Variants in KIF6 observed in about 807,000 individuals in gnomAD.
KIF6 encodes kinesin family member 6.
A neutral mutation model predicts 112.7 loss-of-function variants in KIF6; 106 were observed. The ratio of observed to expected loss-of-function variants is 0.94; its 90% confidence interval spans 0.80 to 1.11. The LOEUF (loss-of-function observed/expected upper bound fraction) is 1.11, where lower values mean the gene tolerates loss of function less well. Among genes scored for constraint, KIF6 ranks in the 50% least tolerant of loss-of-function variants. The pLI is 0.00. For missense variants in KIF6, 929 were observed against 964.0 expected, an observed-to-expected ratio of 0.96 and a Z score of 0.48; for synonymous variants, 339 against 339.9, an observed-to-expected ratio of 1.00 and a Z score of 0.03.
intron 14 of KIF6, among the ~76,000 whole-genome samples, chr6:39,425,475 C>T (rs145219698): frequency 0.012 from 1,871 of 152,016 alleles, 20 homozygotes; most frequent in Admixed American, 0.027. Context: ...ATTCCTTTCC[C>T]GTTTCATCTC....
intron 5 of KIF6, among the ~76,000 whole-genome samples, chr6:39,629,517 T>C (rs1429074035): frequency 6.6e-6 from 1 of 152,128 alleles, no homozygotes; most frequent in Non-Finnish European, 1.5e-5. Context: ...AATTTGGGCA[T>C]TTATTTTCTT....
chr6:39,360,822 AG>A (rs1765074471), intron 17 of KIF6, among the ~76,000 whole-genome samples: 1 of 152,214 alleles, frequency 6.6e-6, no homozygotes. Context: ...GCACTTACTA[AG>A]GGATAAGCAT....
chr6:39,470,985 T>A (rs145625735), intron 13 of KIF6, among the ~76,000 whole-genome samples: 8 of 152,314 alleles, frequency 5.3e-5, no homozygotes, highest in African/African-American at 1.9e-4. Context: ...CATTGAGCTG[T>A]GATTTGATAT....
rs566182074 is a variant in KIF6, at chr6:39,343,851, TACA to T, written c.2322-39_2322-37del. ...CCACGTGTCACATTTTACTACACTT[TACA>T]ACTGGACTCACCACTTATATTTCCA... On this transcript the variant is annotated intron_variant, in intron 21 of 22. Coordinates refer to ENST00000287152, the MANE Select transcript of KIF6 (RefSeq NM_145027.6). This position sits in a 1 kb window ranked among gnomAD's most constrained non-coding sequence, Gnocchi z 4.1. 2 of 1,264,538 alleles carry T rather than the reference TACA, an allele frequency of 1.6e-6. No individual in the cohort carries two copies. The highest frequency in any genetic ancestry group is 2.7e-5 in the South Asian group (2 of 75,190). 78.3% of individuals were successfully genotyped at this position (1,264,538 alleles called of 1,614,324 possible).
chr6:39,537,679 C>A (rs1778524565), intron 13 of KIF6, among the ~76,000 whole-genome samples: 1 of 152,162 alleles, frequency 6.6e-6, no homozygotes, highest in South Asian at 2.1e-4. Flanking sequence ...CCCCATCAAG[C>A]AACCAATGAC....
At chr6:39,665,503 ATAAT>A (rs910687392) in intron 3 of KIF6, among the ~76,000 whole-genome samples, 1 of 152,206 alleles carries the variant, frequency 6.6e-6, no homozygotes, top group Non-Finnish European at 1.5e-5. Flanking sequence ...AATACATAGC[ATAAT>A]TAATTGGAAA....
chr6:39,476,738 G>C (rs986639431), intron 13 of KIF6, among the ~76,000 whole-genome samples: 5 of 152,202 alleles, frequency 3.3e-5, no homozygotes, highest in Admixed American at 2.0e-4. Context: ...ACCTTTCTGA[G>C]GATGAATAAG....
intron 3 of KIF6, among the ~76,000 whole-genome samples, chr6:39,710,162 AG>A (rs940406516): frequency 3.9e-5 from 6 of 152,344 alleles, no homozygotes; most frequent in African/African-American, 1.4e-4. Flanking sequence ...TCACTGGTGC[AG>A]TACATGTTTC....
At chr6:39,409,898 C>T (rs535711734) in intron 15 of KIF6, among the ~76,000 whole-genome samples, 1 of 152,356 alleles carries the variant, frequency 6.6e-6, no homozygotes, top group South Asian at 2.1e-4. Context: ...AAACCCTCTT[C>T]CCCACCTCTG....
chr6:39,357,437 T>G (rs564028899), intron 18 of KIF6, 63 bp from the exon 19 acceptor site: 2 of 1,062,592 alleles, frequency 1.9e-6, no homozygotes, highest in Non-Finnish European at 2.8e-6. Context: ...GAAGATGTTT[T>G]TGATGTAATT....
intron 13 of KIF6, among the ~76,000 whole-genome samples, chr6:39,476,780 C>T (rs1774450743): frequency 6.6e-6 from 1 of 152,184 alleles, no homozygotes; most frequent in Non-Finnish European, 1.5e-5. Flanking sequence ...ACTTTTCAGT[C>T]TAACATAAAT....
At position 39,596,207 on chromosome 6, in the gene KIF6, C is replaced by A; in HGVS notation, c.693G>T (p.Leu231Phe). 6.2e-7 allele frequency: 1 copy of A among 1,613,904 alleles called. No homozygotes were observed. The highest frequency in any genetic ancestry group is 2.2e-5 in the East Asian group (1 of 44,864). ...TRSHCIFTIHLSSKEPGSATV... is the reference protein window; with the variant it reads ...TRSHCIFTIHFSSKEPGSATV... ...TTGCAGATCCTGGTTCCTTGCTTGA[C>A]AAATGAATGGTGAAAATGCAGTGGG... Residue 231 changes from leucine (L) to phenylalanine (F), a missense_variant, in exon 7 of 23, where the codon TTG becomes TTT. Transcript: ENST00000287152.
At chr6:39,537,262 G>A (rs1778494887) in intron 13 of KIF6, among the ~76,000 whole-genome samples, 1 of 152,172 alleles carries the variant, frequency 6.6e-6, no homozygotes, top group Admixed American at 6.5e-5. Context: ...ATTAGGAAAA[G>A]AGGAAGTCAA....
chr6:39,584,417 T>TAAAAAAAAAA lies in KIF6; in HGVS notation c.1077+471_1077+480dup, dbSNP rs61215070. On this transcript the variant is annotated intron_variant, in intron 9 of 22. Transcript: ENST00000287152. ...TCCAGCCTGAGCAAGACTCTGTCTC[T>TAAAAAAAAAA]AAAAAAAAAAAAAAAAAAAAAAAAA... 1.7e-4 allele frequency among the ~76,000 whole-genome samples: 8 copies of TAAAAAAAAAA among 46,058 alleles called. 2 individuals carry two copies. The highest frequency in any genetic ancestry group is 8.6e-4 in the East Asian group (2 of 2,334). The allele number at this position is 46,058 out of a possible 152,430, so 30.2% of individuals were successfully genotyped here.
chr6:39,683,683 T>A (rs1787663863), intron 3 of KIF6, among the ~76,000 whole-genome samples: 1 of 152,116 alleles, frequency 6.6e-6, no homozygotes, highest in South Asian at 2.1e-4. Context: ...GCCATCAGTG[T>A]TAAGGGCTCA....
intron 13 of KIF6, among the ~76,000 whole-genome samples, chr6:39,519,949 G>A (rs139099940): frequency 6.6e-6 from 1 of 152,256 alleles, no homozygotes; most frequent in Admixed American, 6.5e-5. Flanking sequence ...TTGAACCCGG[G>A]GGGCAGAGGT....
intron 15 of KIF6, among the ~76,000 whole-genome samples, chr6:39,410,622 A>G (rs1352051571): frequency 1.3e-5 from 2 of 152,260 alleles, no homozygotes; most frequent in African/African-American, 4.8e-5. Flanking sequence ...AGATCAATGG[A>G]TTTGACTGTA....
At chr6:39,450,328 T>G (rs554209609) in intron 13 of KIF6, among the ~76,000 whole-genome samples, 3 of 152,322 alleles carry the variant, frequency 2.0e-5, no homozygotes, top group Admixed American at 2.0e-4. Context: ...TTTGCTTTCA[T>G]AGATGCATTA....
chr6:39,596,382 G>A (rs753585406), intron 6 of KIF6, 122 bp from the exon 7 acceptor site: 15 of 685,556 alleles, frequency 2.2e-5, no homozygotes, highest in Admixed American at 1.3e-4. Flanking sequence ...GTCAACTGGA[G>A]CAAAACCACT....
Sources: allele counts gnomAD v4.1 joint callset (sites outside exome capture counted in the v4.1 genomes callset), GRCh38; gene constraint gnomAD v4.1.1; non-coding constraint Gnocchi (gnomAD v3.1); transcripts MANE v1.5; gene names NCBI Gene and HGNC (gene_info 2026-07-23, HGNC 2026-07-21).